The following ADAMTSL3 variants were observed in gnomAD, a reference collection of about 807,000 sequenced individuals.
ADAMTSL3 encodes ADAMTS like 3, also known as ADAMTS-like protein 3.
A neutral mutation model predicts 201.7 loss-of-function variants in ADAMTSL3; 128 were observed. The observed-to-expected ratio is 0.63, with a 90% confidence interval of 0.55 to 0.73. The LOEUF is 0.73. ADAMTSL3 is among the 30% of genes least tolerant of loss of function. The probability of loss-of-function intolerance (pLI) is 0.00; values close to 1 mark genes in which losing one functional copy is unlikely to be tolerated. For missense variants in ADAMTSL3, 1,990 were observed against 2,119.6 expected (o/e 0.94, Z 1.20); for synonymous variants, 738 against 748.4 (o/e 0.99, Z 0.23).
At chr15:84,004,017 G>A (rs1162765312) in intron 23 of ADAMTSL3, among the ~76,000 whole-genome samples, 1 of 152,190 alleles carries the variant, frequency 6.6e-6, no homozygotes, top group Non-Finnish European at 1.5e-5. Context: ...AAACCATGCA[G>A]GACCTTGTTA....
chr15:83,703,513 T>G (rs538781561), intron 2 of ADAMTSL3, among the ~76,000 whole-genome samples: 1 of 152,200 alleles, frequency 6.6e-6, no homozygotes, highest in Non-Finnish European at 1.5e-5. Context: ...AGGGACAGTT[T>G]CCCCCATACT....
chr15:83,773,582 C>A lies in ADAMTSL3; in HGVS notation c.249C>A (p.Asp83Glu). Reference protein sequence around the residue: ...DKDGNWDAWGDWSDCSRTCGG... With the variant: ...DKDGNWDAWGEWSDCSRTCGG... ...ATGGCAACTGGGATGCTTGGGGCGA[C>A]TGGAGTGACTGCTCCCGGACCTGTG... The change falls in exon 4 of 30, where the codon GAC becomes GAA. Residue 83 changes from aspartate to glutamate, a missense_variant. Asp to Glu is a conservative substitution (Grantham distance 45, BLOSUM62 2). Coordinates refer to ENST00000286744, the MANE Select transcript of ADAMTSL3 (RefSeq NM_207517.3). The A allele has an allele frequency of 2.5e-6, 4 of 1,613,850 alleles. No individual in the cohort carries two copies. In the East Asian group the frequency reaches 8.9e-5, roughly 36 times the overall value.
intron 3 of ADAMTSL3, among the ~76,000 whole-genome samples, chr15:83,768,554 G>A (rs1005025714): frequency 6.6e-6 from 1 of 152,192 alleles, no homozygotes; most frequent in Non-Finnish European, 1.5e-5. Context: ...AGAGAGCATA[G>A]TTGCAAAGGA....
At chr15:83,779,835 G>T (rs757080300) in intron 4 of ADAMTSL3, among the ~76,000 whole-genome samples, 5 of 152,122 alleles carry the variant, frequency 3.3e-5, no homozygotes, top group Non-Finnish European at 1.5e-5. Flanking sequence ...TGACTTTGGG[G>T]TAAATAATGA....
At chr15:83,996,991 A>G (rs374353998) in intron 23 of ADAMTSL3, among the ~76,000 whole-genome samples, 36 of 152,132 alleles carry the variant, frequency 2.4e-4, no homozygotes, top group African/African-American at 7.5e-4. Context: ...AGGGTTGGCA[A>G]GAGCATGGAG....
chr15:83,874,460 C>T (rs1411044763), intron 9 of ADAMTSL3, among the ~76,000 whole-genome samples: 1 of 144,196 alleles, frequency 6.9e-6, no homozygotes, highest in Non-Finnish European at 1.5e-5. Context: ...TTAGTGTACT[C>T]CTGACTGGCC....
At chr15:83,776,908 C>CT (rs1252792196) in intron 4 of ADAMTSL3, among the ~76,000 whole-genome samples, 1 of 150,834 alleles carries the variant, frequency 6.6e-6, no homozygotes, top group African/African-American at 2.4e-5. Context: ...TGAAAACAGC[C>CT]TTTTATGCCT....
intron 7 of ADAMTSL3, among the ~76,000 whole-genome samples, chr15:83,844,626 T>C (rs537635107): frequency 6.6e-6 from 1 of 152,218 alleles, no homozygotes; most frequent in East Asian, 1.9e-4. Flanking sequence ...GAATTAAAAG[T>C]TTCACCCTCC....
intron 9 of ADAMTSL3, among the ~76,000 whole-genome samples, chr15:83,877,525 G>A (rs2065198739): frequency 1.3e-5 from 2 of 152,104 alleles, no homozygotes; most frequent in South Asian, 2.1e-4. Flanking sequence ...AATAAGTCTT[G>A]ATATCTGGAA....
chr15:84,014,601 T>A lies in ADAMTSL3; in HGVS notation c.4033T>A (p.Ser1345Thr). Residue 1345 changes from serine (S) to threonine (T), a missense_variant, in exon 24 of 30, where the codon TCC becomes ACC. Coordinates refer to ENST00000286744, the MANE Select transcript of ADAMTSL3 (RefSeq NM_207517.3). Reference protein sequence around the residue: ...KRGGSLSGNVSLLFNGSLLLQ... With the variant: ...KRGGSLSGNVTLLFNGSLLLQ... Reference sequence around the variant, plus strand: ...AGGAGGATCTCTGAGTGGCAATGTTTCCTTGCTTTTCAATGGATCCCTGTT... The same window carrying A: ...AGGAGGATCTCTGAGTGGCAATGTTACCTTGCTTTTCAATGGATCCCTGTT... The A allele has an allele frequency of 1.2e-6, 2 of 1,614,170 alleles. No individual in the cohort carries two copies. The highest frequency in any genetic ancestry group is 2.2e-5 in the East Asian group (1 of 44,886).
intron 7 of ADAMTSL3, 48 bp downstream of exon 7, chr15:83,838,263 T>A: frequency 1.9e-6 from 3 of 1,587,846 alleles, no homozygotes; most frequent in Non-Finnish European, 2.6e-6. Flanking sequence ...AGATATATTT[T>A]AGACTGTCTA....
chr15:83,779,235 A>T (rs1041526667), intron 4 of ADAMTSL3, among the ~76,000 whole-genome samples: 1 of 152,182 alleles, frequency 6.6e-6, no homozygotes, highest in African/African-American at 2.4e-5. Flanking sequence ...GATATTCAGG[A>T]CCTGAACTCA....
In ADAMTSL3 at chr15:83,904,230, T is replaced by C. The variant is rs1213278178; in HGVS notation, c.1700+4499T>C. ...GTGGTCGCTCTGCAATTTTCCTGCA[T>C]AATTCACACTGCCTGGCAGTTTCTG... On this transcript the variant is annotated intron_variant, in intron 15 of 29. Coordinates refer to ENST00000286744, the MANE Select transcript of ADAMTSL3 (RefSeq NM_207517.3). Among the ~76,000 whole-genome samples the C allele has an allele frequency of 4.6e-5, 7 of 152,122 alleles. No homozygotes were observed. In the East Asian group the frequency reaches 9.7e-4, roughly 21 times the overall value.
chr15:83,687,099 G>A (rs1368519736), intron 2 of ADAMTSL3, among the ~76,000 whole-genome samples: 1 of 152,108 alleles, frequency 6.6e-6, no homozygotes, highest in Non-Finnish European at 1.5e-5. Context: ...GGCTACTTAG[G>A]AGGCTGAGGT....
chr15:83,986,919 C>T (rs2067488749), intron 21 of ADAMTSL3, among the ~76,000 whole-genome samples: 1 of 152,194 alleles, frequency 6.6e-6, no homozygotes, highest in South Asian at 2.1e-4. Flanking sequence ...CCTGGTGGTT[C>T]TCCAGCCCAA....
chr15:83,744,640 A>G (rs2062514262), intron 3 of ADAMTSL3, among the ~76,000 whole-genome samples: 1 of 152,202 alleles, frequency 6.6e-6, no homozygotes, highest in Non-Finnish European at 1.5e-5. Flanking sequence ...TCAAGAATCC[A>G]ATACATCATT....
Position 83,982,434 on chromosome 15 carries a change from G to A in ADAMTSL3, c.2806G>A (p.Val936Met), listed in dbSNP as rs376271563. ...CACATCCGTGATTATTAAGTGCCCC[G>A]TGCGACGATTCCAGAAATCTCTGAT... Reference protein sequence around the residue: ...PNTSVIIKCPVRRFQKSLIQW... With the variant: ...PNTSVIIKCPMRRFQKSLIQW... The change falls in exon 21 of 30, where the codon GTG (valine) becomes ATG (methionine). Residue 936 changes from valine (V) to methionine (M), a missense_variant. Physicochemically the swap from Val to Met is conservative, Grantham distance 21 (BLOSUM62 1). Coordinates refer to ENST00000286744, the MANE Select transcript of ADAMTSL3 (RefSeq NM_207517.3). 10 of 1,613,990 alleles carry A rather than the reference G, an allele frequency of 6.2e-6. No individual in the cohort carries two copies. Among genetic ancestry groups the A allele is most frequent in the Admixed American group, 5.0e-5 (3 of 59,988 alleles).
intron 7 of ADAMTSL3, among the ~76,000 whole-genome samples, 159 bp downstream of exon 7, chr15:83,838,374 A>G (rs939707950): frequency 1.8e-4 from 28 of 152,204 alleles, no homozygotes; most frequent in Non-Finnish European, 3.4e-4. Context: ...GTGTGTATCA[A>G]ACTTTTGTTC....
intron 3 of ADAMTSL3, among the ~76,000 whole-genome samples, chr15:83,734,492 T>C (rs1264142877): frequency 6.6e-6 from 1 of 152,196 alleles, no homozygotes; most frequent in Non-Finnish European, 1.5e-5. Flanking sequence ...AAGTGCAGGT[T>C]CCCTGTGTTT....
Sources: allele counts gnomAD v4.1 joint callset (sites outside exome capture counted in the v4.1 genomes callset), GRCh38; gene constraint gnomAD v4.1.1; transcripts MANE v1.5; gene names NCBI Gene and HGNC (gene_info 2026-07-23, HGNC 2026-07-21).